ABTB3: variants seen among roughly 807,000 people sequenced by gnomAD.
ABTB3 encodes ankyrin repeat and BTB domain containing 3.
the ABTB3 span, among the ~76,000 whole-genome samples, chr12:107,530,532 T>G: frequency 6.6e-6 from 1 of 152,192 alleles, no homozygotes; most frequent in African/African-American, 2.4e-5. Context: ...ACTTTGGGGT[T>G]TTTTTCTCCC....
chr12:107,597,336 A>G, the ABTB3 span, among the ~76,000 whole-genome samples: 1 of 152,252 alleles, frequency 6.6e-6, no homozygotes, highest in Non-Finnish European at 1.5e-5. Flanking sequence ...ATGGGTATTT[A>G]TAAAGAAAAG....
At chr12:107,637,831 T>TGG in the ABTB3 span, among the ~76,000 whole-genome samples, 1 of 138,698 alleles carries the variant, frequency 7.2e-6, no homozygotes, top group Admixed American at 7.3e-5. Flanking sequence ...TGTGTGTGTG[T>TGG]GTGGTATGGT....
At chr12:107,564,711 C>A in the ABTB3 span, among the ~76,000 whole-genome samples, 8 of 152,214 alleles carry the variant, frequency 5.3e-5, no homozygotes, top group Admixed American at 4.6e-4. Context: ...CGGGATGGAA[C>A]CAGTAAGGAG....
At chr12:107,417,052 G>A in the ABTB3 span, among the ~76,000 whole-genome samples, 9,123 of 152,248 alleles carry the variant, frequency 0.06, 813 homozygotes, top group African/African-American at 0.2. Context: ...AACTGAAGGC[G>A]AGGAAATTAG....
the ABTB3 span, among the ~76,000 whole-genome samples, chr12:107,614,420 A>G: frequency 3.3e-5 from 5 of 152,120 alleles, no homozygotes; most frequent in Admixed American, 6.5e-5. Flanking sequence ...CAGATGGTGA[A>G]ATTCCTCCAT....
chr12:107,653,468 G>A, the ABTB3 span, among the ~76,000 whole-genome samples: 182 of 151,160 alleles, frequency 1.2e-3, no homozygotes, highest in Non-Finnish European at 1.4e-3. Context: ...AGTGAGTGGA[G>A]ATCGCGCCAC....
chr12:107,534,211 T>TAAAAAA, the ABTB3 span, among the ~76,000 whole-genome samples: 6 of 139,886 alleles, frequency 4.3e-5, no homozygotes, highest in African/African-American at 1.1e-4. Context: ...CCCTGTCTCT[T>TAAAAAA]AAAAAAAAAA....
the ABTB3 span, among the ~76,000 whole-genome samples, chr12:107,534,415 C>T: frequency 6.6e-6 from 1 of 151,300 alleles, no homozygotes; most frequent in African/African-American, 2.4e-5. Context: ...GAAAGCAAAC[C>T]CAAAATTAGG....
At chr12:107,644,653 C>T in the ABTB3 span, among the ~76,000 whole-genome samples, 2 of 152,130 alleles carry the variant, frequency 1.3e-5, no homozygotes, top group Non-Finnish European at 2.9e-5. Context: ...CGCGCAAGTT[C>T]GTTAAATTGT....
chr12:107,360,330 G>A, the ABTB3 span, among the ~76,000 whole-genome samples: 2 of 152,200 alleles, frequency 1.3e-5, no homozygotes, highest in Non-Finnish European at 2.9e-5. Flanking sequence ...TGAGGGATTA[G>A]GGTATGGACC....
chr12:107,461,961 G>C, the ABTB3 span, among the ~76,000 whole-genome samples: 5 of 152,156 alleles, frequency 3.3e-5, no homozygotes, highest in Non-Finnish European at 5.9e-5. Context: ...ATTTTGCATT[G>C]TGGGTTGGGG....
the ABTB3 span, among the ~76,000 whole-genome samples, chr12:107,535,564 G>A: frequency 7.2e-5 from 11 of 152,156 alleles, no homozygotes; most frequent in Admixed American, 7.2e-4. Context: ...AACAAATTCA[G>A]TAAAGTTGCA....
the ABTB3 span, among the ~76,000 whole-genome samples, chr12:107,592,781 T>C: frequency 1.3e-5 from 2 of 152,304 alleles, no homozygotes; most frequent in South Asian, 4.2e-4. Flanking sequence ...CTCAGAAAGG[T>C]AGACAAGATG....
the ABTB3 span, among the ~76,000 whole-genome samples, chr12:107,502,907 G>A: frequency 4.6e-5 from 7 of 152,188 alleles, no homozygotes; most frequent in African/African-American, 1.4e-4. Flanking sequence ...GGTCCCTGTT[G>A]CTAAAAAGGC....
At chr12:107,590,827 A>G in the ABTB3 span, among the ~76,000 whole-genome samples, 1 of 152,178 alleles carries the variant, frequency 6.6e-6, no homozygotes, top group Admixed American at 6.5e-5. Context: ...CCTGGGAAAC[A>G]GGGATTTATT....
chr12:107,355,092 A>G, the ABTB3 span, among the ~76,000 whole-genome samples: 1 of 152,172 alleles, frequency 6.6e-6, no homozygotes, highest in Non-Finnish European at 1.5e-5. Context: ...GCCCAAATGT[A>G]TCAGAGGCCA....
chr12:107,503,707 T>A, the ABTB3 span, among the ~76,000 whole-genome samples: 1 of 136,894 alleles, frequency 7.3e-6, no homozygotes, highest in Non-Finnish European at 1.5e-5. Flanking sequence ...CACTGAGCTG[T>A]GATTGCGCCA....
the ABTB3 span, among the ~76,000 whole-genome samples, chr12:107,489,907 C>G: frequency 2.0e-5 from 3 of 151,856 alleles, no homozygotes; most frequent in East Asian, 1.9e-4. Context: ...CAGGCATGAG[C>G]CACCATGCAT....
the ABTB3 span, among the ~76,000 whole-genome samples, chr12:107,499,536 A>G: frequency 1.3e-5 from 2 of 152,116 alleles, no homozygotes; most frequent in African/African-American, 4.8e-5. Flanking sequence ...GAACTACCTA[A>G]GACTGAGTAA....
Sources: allele counts gnomAD v4.1 joint callset (sites outside exome capture counted in the v4.1 genomes callset), GRCh38; gene constraint gnomAD v4.1.1; transcripts MANE v1.5; gene names NCBI Gene and HGNC (gene_info 2026-07-23, HGNC 2026-07-21).